Variants in NLRP8 observed in about 807,000 individuals in gnomAD.
The protein encoded by NLRP8 is NACHT, LRR and PYD domains-containing protein 8.
NLRP8 carries 86 observed loss-of-function variants against 88.7 expected under a neutral mutation model. The observed-to-expected ratio is 0.97, with a 90% CI of 0.81 to 1.16. The LOEUF (loss-of-function observed/expected upper bound fraction) is 1.16, where lower values mean the gene tolerates loss of function less well. Among genes scored for constraint, NLRP8 ranks in the 50% most tolerant of loss-of-function variants. NLRP8 has a pLI of 0.00. For synonymous variants in NLRP8, 504 were observed against 494.6 expected (o/e 1.02, Z -0.25); for missense variants, 1,342 against 1,286.5 (o/e 1.04, Z -0.66).
chr19:55,977,155 AT>A (rs1402618893), intron 8 of NLRP8, among the ~76,000 whole-genome samples: 1 of 147,386 alleles, frequency 6.8e-6, no homozygotes, highest in African/African-American at 2.5e-5. Context: ...GTATATACGT[AT>A]ATAAAGATAC....
chr19:55,973,558 C>A, intron 6 of NLRP8, 94 bp from the exon 7 acceptor site: 1 of 1,174,428 alleles, frequency 8.5e-7, no homozygotes, highest in Non-Finnish European at 1.2e-6. Context: ...GATGCTTCTG[C>A]ATCCAGAGGG....
chr19:55,965,819 C>G (rs538828829), intron 4 of NLRP8, among the ~76,000 whole-genome samples: 21 of 149,260 alleles, frequency 1.4e-4, no homozygotes, highest in African/African-American at 3.0e-4. Flanking sequence ...CCCCACCCCC[C>G]CAGAGGCCCC....
At chr19:55,982,105 C>A (rs306471) in intron 9 of NLRP8, among the ~76,000 whole-genome samples, 13 of 152,300 alleles carry the variant, frequency 8.5e-5, no homozygotes, top group Non-Finnish European at 1.5e-4. Context: ...GGTTTCACCA[C>A]GTTGGCCAGG....
Position 55,953,878 on chromosome 19 carries a change from T to C in NLRP8, c.443-623T>C, listed in dbSNP as rs561083336. Among the ~76,000 whole-genome samples the C allele has an allele frequency of 3.6e-5, 5 of 140,404 alleles. No homozygotes were observed. The South Asian group carries it at 1.2e-3, about 34-fold the overall frequency. The allele number at this position is 140,404 out of a possible 152,430, so 92.1% of individuals were successfully genotyped here. A position where few individuals can be genotyped will look rare whatever the true frequency, so the allele number is the denominator to read the frequency against. ...GTGCAGTGGCGCAATCTTGGCTCAC[T>C]GGAACCTCTGCCGCCTGGATTCAAG... On this transcript the variant is annotated intron_variant, in intron 2 of 9. Transcript: ENST00000291971.
At chr19:55,969,459 G>C (rs1403513564) in intron 5 of NLRP8, among the ~76,000 whole-genome samples, 3 of 152,210 alleles carry the variant, frequency 2.0e-5, no homozygotes. Context: ...TGGCTGAGTA[G>C]TATTCCATGG....
chr19:55,971,299 G>A (rs943837604), intron 6 of NLRP8, among the ~76,000 whole-genome samples: 1 of 151,908 alleles, frequency 6.6e-6, no homozygotes, highest in African/African-American at 2.4e-5. Context: ...AATTAGCCAG[G>A]TGTGGTGGCA....
At chr19:55,986,237 T>G (rs535229954) in intron 9 of NLRP8, among the ~76,000 whole-genome samples, 1 of 151,792 alleles carries the variant, frequency 6.6e-6, no homozygotes, top group South Asian at 2.1e-4. Context: ...AAATGCCAAG[T>G]GCAACTTCCA....
intron 2 of NLRP8, among the ~76,000 whole-genome samples, chr19:55,953,010 G>A (rs535662510): frequency 6.6e-6 from 1 of 152,314 alleles, no homozygotes; most frequent in African/African-American, 2.4e-5. Context: ...CCAGTCTGTG[G>A]CCTGTTAGGA....
intron 9 of NLRP8, among the ~76,000 whole-genome samples, chr19:55,982,432 C>T (rs306470): frequency 0.36 from 55,485 of 152,056 alleles, 10,696 homozygotes; most frequent in Non-Finnish European, 0.43. Context: ...GTGGTACTTA[C>T]GCACAATGGA....
intron 9 of NLRP8, among the ~76,000 whole-genome samples, chr19:55,985,780 C>T (rs1980779459): frequency 6.6e-6 from 1 of 152,106 alleles, no homozygotes; most frequent in Non-Finnish European, 1.5e-5. Flanking sequence ...CTTTGGGAGG[C>T]CGAGGCGGGT....
intron 3 of NLRP8, among the ~76,000 whole-genome samples, chr19:55,959,348 A>G (rs1332969439): frequency 1.3e-5 from 2 of 151,286 alleles, no homozygotes; most frequent in African/African-American, 4.9e-5. Context: ...AGTAGCTGGG[A>G]CTACAGGCGC....
intron 2 of NLRP8, among the ~76,000 whole-genome samples, chr19:55,954,005 G>C (rs1022960816): frequency 1.3e-5 from 2 of 151,610 alleles, no homozygotes; most frequent in African/African-American, 4.8e-5. Context: ...GTTTCACCAT[G>C]TTAGCCAGGC....
At position 55,973,827 on chromosome 19, in the gene NLRP8, G is replaced by T. The variant is rs769583701; in HGVS notation, c.2705+5G>T. ...ATGTCCTCTGCAGAGGCTGGTGTAA[G>T]TCCCAGAATGTTTTCTTCTCTGAAT... On this transcript the variant is annotated splice_donor_5th_base_variant and intron_variant, in intron 7 of 9. Transcript: ENST00000291971. 1 of 1,604,186 alleles carries T rather than the reference G, an allele frequency of 6.2e-7. No individual in the cohort carries two copies. Among genetic ancestry groups the T allele is most frequent in the East Asian group, 2.2e-5 (1 of 44,626 alleles).
At chr19:55,974,544 C>T (rs559446716) in intron 7 of NLRP8, among the ~76,000 whole-genome samples, 9 of 151,912 alleles carry the variant, frequency 5.9e-5, no homozygotes, top group South Asian at 2.1e-4. Context: ...GTCAGGAGAT[C>T]GAGACCACAG....
At chr19:55,971,696 A>G (rs893064081) in intron 6 of NLRP8, among the ~76,000 whole-genome samples, 2 of 152,074 alleles carry the variant, frequency 1.3e-5, no homozygotes, top group African/African-American at 4.8e-5. Context: ...TGAACATTCT[A>G]AGAAAAGAAT....
At chr19:55,968,856 C>T (rs1224540526) in intron 5 of NLRP8, among the ~76,000 whole-genome samples, 1 of 152,206 alleles carries the variant, frequency 6.6e-6, no homozygotes, top group Non-Finnish European at 1.5e-5. Context: ...CTTGCCAGCT[C>T]CTGACCACTG....
In NLRP8 at chr19:55,954,503, A is replaced by G; in HGVS notation, c.445A>G (p.Lys149Glu). ...TTTCTCCCATCTCACAAATCTAGGT[A>G]AAATACGGCGGTATAAATCGAATGT... Residue 149 changes from lysine (K) to glutamate (E), a missense_variant and splice_region_variant, in exon 3 of 10, where the codon AAA becomes GAA. Physicochemically the swap from Lys to Glu is moderately conservative, Grantham distance 56. Transcript: ENST00000291971. The G allele has an allele frequency of 6.2e-7, 1 of 1,612,330 alleles. No individual in the cohort carries two copies. Among genetic ancestry groups the G allele is most frequent in the Non-Finnish European group, 8.5e-7 (1 of 1,179,060 alleles).
chr19:55,984,147 CACAA>C (rs1288512837), intron 9 of NLRP8, among the ~76,000 whole-genome samples: 1 of 152,034 alleles, frequency 6.6e-6, no homozygotes, highest in Non-Finnish European at 1.5e-5. Flanking sequence ...TGTCATTTTT[CACAA>C]ACAATGTGAT....
intron 9 of NLRP8, among the ~76,000 whole-genome samples, chr19:55,984,781 A>G (rs1281821498): frequency 6.7e-6 from 1 of 150,278 alleles, no homozygotes; most frequent in East Asian, 2.0e-4. Context: ...AGGCTGCAGT[A>G]AGCCGTGCTT....
Sources: allele counts gnomAD v4.1 joint callset (sites outside exome capture counted in the v4.1 genomes callset), GRCh38; gene constraint gnomAD v4.1.1; transcripts MANE v1.5; gene names NCBI Gene and HGNC (gene_info 2026-07-23, HGNC 2026-07-21).